Variants in FBH1 observed in about 807,000 individuals in gnomAD.
FBH1 encodes DNA 3'-5' helicase 1.
FBH1 carries 43 observed loss-of-function variants against 115.5 expected under a neutral mutation model. That is an observed-to-expected ratio of 0.37 (90% CI 0.29 to 0.48). The LOEUF (loss-of-function observed/expected upper bound fraction) is 0.48, where lower values mean the gene tolerates loss of function less well. Among genes scored for constraint, FBH1 ranks in the 20% least tolerant of loss-of-function variants. The pLI is 0.99. For synonymous variants in FBH1, 524 were observed against 507.8 expected (o/e 1.03, Z -0.43); for missense variants, 1,001 against 1,337.3 (o/e 0.75, Z 3.92).
chr10:5,926,858 T>C (rs1832682206), intron 18 of FBH1, among the ~76,000 whole-genome samples: 1 of 152,218 alleles, frequency 6.6e-6, no homozygotes, highest in African/African-American at 2.4e-5. Context: ...TGCCATTGTG[T>C]AGTGAATCGA....
At position 5,933,107 on chromosome 10, in the gene FBH1, G is replaced by T. The variant is rs1222007742; in HGVS notation, c.2830-3349G>T. The stretch of plus-strand genomic sequence containing the variant: ...AGTTGTATGCATAAGAGTGAAATAG[G>T]CCCGGCGCAGTAGCTCACACCTGTA... On this transcript the variant is annotated intron_variant, in intron 19 of 20. Coordinates refer to ENST00000362091, the MANE Select transcript of FBH1 (RefSeq NM_178150.3). The surrounding 1 kb of genome is among the most constrained non-coding windows in gnomAD (Gnocchi z 4.9). 1.3e-5 allele frequency among the ~76,000 whole-genome samples: 2 copies of T among 152,118 alleles called. No homozygotes were observed. The highest frequency in any genetic ancestry group is 2.4e-5 in the African/African-American group (1 of 41,430).
chr10:5,921,351 C>A lies in FBH1; in HGVS notation c.2194C>A (p.His732Asn). 1 of 1,614,146 alleles carries A rather than the reference C, an allele frequency of 6.2e-7. No homozygotes were observed. Among genetic ancestry groups the A allele is most frequent in the South Asian group, 1.1e-5 (1 of 91,064 alleles). ...GAAAAAGACTTTGGTTGGAGGAAAC[C>A]ATCAGAGTAAGGCTTTTAGTTACTC... is the stretch of plus-strand genomic sequence containing the variant. Reference protein sequence around the residue: ...VRKKTLVGGNHQSGIRGDAKG... With the variant: ...VRKKTLVGGNNQSGIRGDAKG... The change falls in exon 14 of 21, where the codon CAT (histidine) becomes AAT (asparagine). Residue 732 changes from histidine (H) to asparagine (N), a missense_variant. This residue lies in a region of FBH1 where 521 missense variants were observed against 811.0 expected (regional missense o/e 0.64). Coordinates refer to ENST00000362091, the MANE Select transcript of FBH1 (RefSeq NM_178150.3). This position sits in a 1 kb window ranked among gnomAD's most constrained non-coding sequence, Gnocchi z 6.4.
In FBH1 at chr10:5,914,359, C is replaced by T; in HGVS notation, c.1396+90C>T. The T allele has an allele frequency of 9.4e-7, 1 of 1,062,640 alleles. No homozygotes were observed. The highest frequency in any genetic ancestry group is 1.3e-5 in the South Asian group (1 of 77,768). The allele number at this position is 1,062,640 out of a possible 1,614,324, so 65.8% of individuals were successfully genotyped here. ...CCCGCTACCTGCCAGGGCATCTTTG[C>T]TCTGATCTGTCATCCAACTAATAAT... On this transcript the variant is annotated intron_variant, in intron 8 of 20. Transcript: ENST00000362091. This position sits in a 1 kb window ranked among gnomAD's most constrained non-coding sequence, Gnocchi z 5.2.
rs2131835399 is a variant in FBH1, at chr10:5,895,788, AGAG to A, written c.1+5446_1+5448del. On this transcript the variant is annotated intron_variant, in intron 1 of 20. Transcript: ENST00000362091. The surrounding 1 kb of genome is among the most constrained non-coding windows in gnomAD (Gnocchi z 5.0). ...GGAATCAGCTTCCCAGTTAAGGGGA[AGAG>A]GAGAAGAGTGGAGGGCAGGTCTGGA... 6.6e-6 allele frequency among the ~76,000 whole-genome samples: 1 copy of A among 152,238 alleles called. No individual in the cohort carries two copies. The highest frequency in any genetic ancestry group is 2.1e-4 in the South Asian group (1 of 4,812).
rs1385016696 is a variant in FBH1, at chr10:5,908,913, T to C, written c.754-12T>C. 1 of 1,613,706 alleles carries C rather than the reference T, an allele frequency of 6.2e-7. No individual in the cohort carries two copies. Among genetic ancestry groups the C allele is most frequent in the Admixed American group, 1.7e-5 (1 of 60,026 alleles). ...TGCCTCATGTTATTTTGTTTGTTTTTTAACTGCATAGTTCATTCCTTGGAA... is the reference window on the plus strand; with the variant it reads ...TGCCTCATGTTATTTTGTTTGTTTTCTAACTGCATAGTTCATTCCTTGGAA... On this transcript the variant is annotated splice_polypyrimidine_tract_variant and intron_variant, in intron 3 of 20. Transcript: ENST00000362091.
chr10:5,899,888 A>AC (rs1485387448), intron 1 of FBH1, among the ~76,000 whole-genome samples: 5 of 152,258 alleles, frequency 3.3e-5, no homozygotes, highest in Non-Finnish European at 7.3e-5. Context: ...AAAACTTCAA[A>AC]TTTAGTTTTT....
In FBH1 at chr10:5,909,106, C is replaced by T. The variant is rs1831398348; in HGVS notation, c.884+51C>T. 3 of 1,613,602 alleles carry T rather than the reference C, an allele frequency of 1.9e-6. No homozygotes were observed. Among genetic ancestry groups the T allele is most frequent in the South Asian group, 1.1e-5 (1 of 91,068 alleles). On this transcript the variant is annotated intron_variant, in intron 4 of 20. Coordinates refer to ENST00000362091, the MANE Select transcript of FBH1 (RefSeq NM_178150.3). The surrounding 1 kb of genome is among the most constrained non-coding windows in gnomAD (Gnocchi z 4.4). ...AGGCGTCTTTGAAGTCTTCCTTGTACATCAGTGCTTATGGTCACCCTACTC... is the reference window on the plus strand; with the variant it reads ...AGGCGTCTTTGAAGTCTTCCTTGTATATCAGTGCTTATGGTCACCCTACTC...
chr10:5,910,551 G>T lies in FBH1; in HGVS notation c.1021-387G>T, dbSNP rs1366709114. On this transcript the variant is annotated intron_variant, in intron 5 of 20. Coordinates refer to ENST00000362091, the MANE Select transcript of FBH1 (RefSeq NM_178150.3). The surrounding 1 kb of genome is among the most constrained non-coding windows in gnomAD (Gnocchi z 4.8). ...CGTCTCTCATGCCTCTTGGGTGGGC[G>T]CCCCTTGCTGGCTGTTTTGCTCTGG... 6.6e-6 allele frequency among the ~76,000 whole-genome samples: 1 copy of T among 151,960 alleles called. No homozygotes were observed. The highest frequency in any genetic ancestry group is 6.6e-5 in the Admixed American group (1 of 15,256).
Position 5,921,162 on chromosome 10 carries a change from T to C in FBH1, c.2101-96T>C. On this transcript the variant is annotated intron_variant, in intron 13 of 20. Coordinates refer to ENST00000362091, the MANE Select transcript of FBH1 (RefSeq NM_178150.3). The surrounding 1 kb of genome is among the most constrained non-coding windows in gnomAD (Gnocchi z 6.4). ...CATGCGGGGGGTCAGGAACAACTTGTAGGGTCTGGCCCGGCCAGGCTGTGG... is the reference window on the plus strand; with the variant it reads ...CATGCGGGGGGTCAGGAACAACTTGCAGGGTCTGGCCCGGCCAGGCTGTGG... 3 of 1,172,148 alleles carry C rather than the reference T, an allele frequency of 2.6e-6. No homozygotes were observed. The highest frequency in any genetic ancestry group is 2.1e-4 in the Middle Eastern group (1 of 4,654). The allele number at this position is 1,172,148 out of a possible 1,614,324, so 72.6% of individuals were successfully genotyped here.
Position 5,915,292 on chromosome 10 carries a change from G to A in FBH1, c.1397-111G>A. ...TACCAGCACTGAAAAACTTGTTACT[G>A]TCCTGCTCTCAAGACAGAGGTGTGA... On this transcript the variant is annotated intron_variant, in intron 8 of 20. Transcript: ENST00000362091. This position sits in a 1 kb window ranked among gnomAD's most constrained non-coding sequence, Gnocchi z 5.2. 8.7e-7 allele frequency: 1 copy of A among 1,146,850 alleles called. No individual in the cohort carries two copies. The highest frequency in any genetic ancestry group is 1.2e-6 in the Non-Finnish European group (1 of 813,056). The allele number at this position is 1,146,850 out of a possible 1,614,324, so 71.0% of individuals were successfully genotyped here.
chr10:5,894,002 C>T lies in FBH1; in HGVS notation c.1+3656C>T, dbSNP rs1023096580. 5.1e-6 allele frequency: 5 copies of T among 985,320 alleles called. No homozygotes were observed. In the African/African-American group the frequency reaches 8.7e-5, roughly 17 times the overall value. 61.0% of individuals were successfully genotyped at this position (985,320 alleles called of 1,614,324 possible). Reference sequence around the variant, plus strand: ...GAAAAACATAGAACGGAAAGCCCAGCCCATCCTTGTTGGCTGTCATACACG... The same window carrying T: ...GAAAAACATAGAACGGAAAGCCCAGTCCATCCTTGTTGGCTGTCATACACG... On this transcript the variant is annotated intron_variant, in intron 1 of 20. Transcript: ENST00000362091.
Position 5,923,678 on chromosome 10 carries a change from G to C in FBH1, c.2380G>C (p.Glu794Gln). ...TGATATTTGGATCCTTCTTCAGCCA[G>C]AGGAAGAACGGAGGAAACGTGAGTA... ...IIDIWILLQPEEERRKQNLVI... is the reference protein window; with the variant it reads ...IIDIWILLQPQEERRKQNLVI... Residue 794 changes from glutamate to glutamine, a missense_variant, in exon 16 of 21, where the codon GAG becomes CAG. By Grantham distance (29) the Glu-to-Gln change is conservative (BLOSUM62 2). Coordinates refer to ENST00000362091, the MANE Select transcript of FBH1 (RefSeq NM_178150.3). This position sits in a 1 kb window ranked among gnomAD's most constrained non-coding sequence, Gnocchi z 5.7. 1 of 1,614,170 alleles carries C rather than the reference G, an allele frequency of 6.2e-7. No individual in the cohort carries two copies. Among genetic ancestry groups the C allele is most frequent in the Non-Finnish European group, 8.5e-7 (1 of 1,180,022 alleles).
chr10:5,912,543 G>A (rs1352794371), intron 6 of FBH1, among the ~76,000 whole-genome samples: 2 of 152,144 alleles, frequency 1.3e-5, no homozygotes, highest in Non-Finnish European at 2.9e-5. Flanking sequence ...ACTGGCCCCT[G>A]GAAGTTGCAA....
intron 1 of FBH1, chr10:5,894,991 TTA>T: frequency 6.4e-7 from 1 of 1,565,298 alleles, no homozygotes; most frequent in Non-Finnish European, 8.7e-7. Context: ...GTGAATACTT[TTA>T]TGGTGCTGGA....
At chr10:5,920,242 T>G (rs763139000) in intron 13 of FBH1, among the ~76,000 whole-genome samples, 6 of 152,246 alleles carry the variant, frequency 3.9e-5, no homozygotes, top group Non-Finnish European at 8.8e-5. Context: ...AGTCCTGGGT[T>G]CTGGGAGGAA....
Position 5,911,135 on chromosome 10 carries a change from C to G in FBH1, c.1211+7C>G. The G allele has an allele frequency of 6.2e-7, 1 of 1,605,592 alleles. No individual in the cohort carries two copies. Among genetic ancestry groups the G allele is most frequent in the Non-Finnish European group, 8.5e-7 (1 of 1,175,348 alleles). ...GGATTAACATCAGCAATAGGTAATG[C>G]CCCGGGAGGAGGGGAGGGGATGCTG... On this transcript the variant is annotated splice_region_variant and intron_variant, in intron 6 of 20. Coordinates refer to ENST00000362091, the MANE Select transcript of FBH1 (RefSeq NM_178150.3). This position sits in a 1 kb window ranked among gnomAD's most constrained non-coding sequence, Gnocchi z 5.4.
At position 5,936,884 on chromosome 10, in the gene FBH1, A is replaced by G. The variant is rs1833393439; in HGVS notation, c.2962-226A>G. On this transcript the variant is annotated intron_variant, in intron 20 of 20. Transcript: ENST00000362091. The surrounding 1 kb of genome is among the most constrained non-coding windows in gnomAD (Gnocchi z 5.6). ...CAGCTTTTCTTGGTTCTTTATCTTGACTGGATAAATGACTGTTTCTGAGCT... is the reference window on the plus strand; with the variant it reads ...CAGCTTTTCTTGGTTCTTTATCTTGGCTGGATAAATGACTGTTTCTGAGCT... 1 of 608,448 alleles carries G rather than the reference A, an allele frequency of 1.6e-6. No individual in the cohort carries two copies. The allele number at this position is 608,448 out of a possible 1,614,324, so 37.7% of individuals were successfully genotyped here.
In FBH1 at chr10:5,914,478, T is replaced by C. The variant is rs989142320; in HGVS notation, c.1396+209T>C. The stretch of plus-strand genomic sequence containing the variant: ...CCATGAACATCCACAGAATTCCTGT[T>C]GAGACAGGTAGTTCACAGCAGTTAG... On this transcript the variant is annotated intron_variant, in intron 8 of 20. Transcript: ENST00000362091. The surrounding 1 kb of genome is among the most constrained non-coding windows in gnomAD (Gnocchi z 5.2). Among the ~76,000 whole-genome samples, 3 of 152,258 alleles carry C rather than the reference T, an allele frequency of 2.0e-5. No homozygotes were observed. Among genetic ancestry groups the C allele is most frequent in the Non-Finnish European group, 4.4e-5 (3 of 68,052 alleles).
At chr10:5,899,872 A>G (rs543003099) in intron 1 of FBH1, among the ~76,000 whole-genome samples, 23 of 152,346 alleles carry the variant, frequency 1.5e-4, no homozygotes, top group African/African-American at 5.1e-4. Flanking sequence ...TTTCTTTCCA[A>G]TGTAGAAAAC....
Sources: allele counts gnomAD v4.1 joint callset (sites outside exome capture counted in the v4.1 genomes callset), GRCh38; gene constraint gnomAD v4.1.1; regional missense constraint gnomAD v4.1.1; non-coding constraint Gnocchi (gnomAD v3.1); transcripts MANE v1.5; gene names NCBI Gene and HGNC (gene_info 2026-07-23, HGNC 2026-07-21).